The following KATNAL2 variants were observed in gnomAD, a reference collection of about 807,000 sequenced individuals.
KATNAL2 encodes the protein katanin catalytic subunit A1 like 2.
A neutral mutation model predicts 76.3 loss-of-function variants in KATNAL2; 52 were observed. The observed-to-expected ratio is 0.68, with a 90% confidence interval of 0.55 to 0.86. KATNAL2 has a LOEUF of 0.86. Ranked by LOEUF, KATNAL2 falls within the 40% of genes least tolerant of loss-of-function variation. The pLI is 0.00. For missense variants in KATNAL2, 660 were observed against 668.9 expected, an observed-to-expected ratio of 0.99 and a Z score of 0.15; for synonymous variants, 243 against 244.2, an observed-to-expected ratio of 1.00 and a Z score of 0.05.
chr18:47,043,236 A>AC, intron 3 of KATNAL2, among the ~76,000 whole-genome samples: 2 of 147,890 alleles, frequency 1.4e-5, no homozygotes, highest in African/African-American at 2.5e-5. Flanking sequence ...CAAAAAAAAA[A>AC]AAAAAAAAAG....
intron 3 of KATNAL2, among the ~76,000 whole-genome samples, chr18:46,947,731 A>G (rs2059423642): frequency 2.6e-5 from 4 of 152,218 alleles, no homozygotes; most frequent in Admixed American, 2.0e-4. Context: ...AGCCAAGGTT[A>G]TGAACCACAG....
At chr18:47,033,886 G>T (rs536619955) in intron 3 of KATNAL2, 4 of 1,613,668 alleles carry the variant, frequency 2.5e-6, no homozygotes, top group Non-Finnish European at 3.4e-6. Context: ...CCAGAGCTCT[G>T]AGAAGACATG....
At chr18:47,036,608 G>T (rs1336057842) in intron 3 of KATNAL2, among the ~76,000 whole-genome samples, 2 of 152,202 alleles carry the variant, frequency 1.3e-5, no homozygotes, top group Admixed American at 1.3e-4. Flanking sequence ...AAACTTTAAA[G>T]AAATTTTTAC....
intron 8 of KATNAL2, among the ~76,000 whole-genome samples, chr18:47,060,240 T>C (rs1229458855): frequency 6.6e-6 from 1 of 152,154 alleles, no homozygotes; most frequent in African/African-American, 2.4e-5. Context: ...CAAGCAATCC[T>C]CCTGTCTGGG....
At chr18:47,041,185 C>T (rs968914791) in intron 3 of KATNAL2, among the ~76,000 whole-genome samples, 1 of 152,168 alleles carries the variant, frequency 6.6e-6, no homozygotes, top group African/African-American at 2.4e-5. Context: ...GTTGTTAAAT[C>T]GATGAACCTA....
At chr18:47,049,037 G>A (rs1370998687) in intron 4 of KATNAL2, among the ~76,000 whole-genome samples, 1 of 151,814 alleles carries the variant, frequency 6.6e-6, no homozygotes, top group Non-Finnish European at 1.5e-5. Flanking sequence ...GGGTTTCACC[G>A]TGGTCTCGAT....
At position 47,059,577 on chromosome 18, in the gene KATNAL2, C is replaced by T; in HGVS notation, c.472C>T (p.Leu158=). 1.2e-6 allele frequency: 2 copies of T among 1,612,744 alleles called. No individual in the cohort carries two copies. Among genetic ancestry groups the T allele is most frequent in the Non-Finnish European group, 8.5e-7 (1 of 1,178,778 alleles). Residue 158 remains leucine (L), a synonymous_variant, in exon 8 of 18, where the codon CTG becomes TTG. Coordinates refer to ENST00000683218, the MANE Select transcript of KATNAL2 (RefSeq NM_001387690.1). The part of the protein sequence containing the change: ...PNQEVVDNTR[L]ESANFGLHIS... ...TCAGGAGGTAGTTGATAACACTCGC[C>T]TGGAAAGTGCCAACTTCGGCCTACA...
chr18:47,096,735 T>C (rs971879264), intron 15 of KATNAL2, among the ~76,000 whole-genome samples: 2 of 152,164 alleles, frequency 1.3e-5, no homozygotes, highest in African/African-American at 2.4e-5. Context: ...CTATTGATAA[T>C]AGGAATGGTA....
chr18:47,086,410 G>A (rs1290567514), intron 15 of KATNAL2, among the ~76,000 whole-genome samples: 4 of 152,014 alleles, frequency 2.6e-5, no homozygotes, highest in Admixed American at 6.6e-5. Context: ...TCTGCCTCCC[G>A]GGTTCAAGCA....
At chr18:46,923,694 T>G (rs186702271) in intron 1 of KATNAL2, among the ~76,000 whole-genome samples, 7 of 152,286 alleles carry the variant, frequency 4.6e-5, no homozygotes, top group East Asian at 3.9e-4. Context: ...CCCACCAACA[T>G]TGTCAAAGTG....
chr18:46,934,859 C>T (rs1248341063), intron 1 of KATNAL2, among the ~76,000 whole-genome samples: 2 of 152,158 alleles, frequency 1.3e-5, no homozygotes, highest in Admixed American at 1.3e-4. Flanking sequence ...TTTCAGCTTT[C>T]TACATATGTC....
chr18:46,917,618 G>GCGCC lies in KATNAL2; in HGVS notation c.-810_-807dup, dbSNP rs926247713. ...CGCGCCTTCAGTCCGCGCGGCGACA[G>GCGCC]CGCCCGCCCGCGCCTGCCCCGGCGT... On this transcript the variant is annotated 5_prime_UTR_variant, in exon 1 of 18. Coordinates refer to ENST00000683218, the MANE Select transcript of KATNAL2 (RefSeq NM_001387690.1). 2 of 920,984 alleles carry GCGCC rather than the reference G, an allele frequency of 2.2e-6. No individual in the cohort carries two copies. The highest frequency in any genetic ancestry group is 3.6e-5 in the African/African-American group (2 of 55,774). 57.1% of individuals were successfully genotyped at this position (920,984 alleles called of 1,614,324 possible). A position where few individuals can be genotyped will look rare whatever the true frequency, so the allele number is the denominator to read the frequency against.
In KATNAL2 at chr18:47,077,429, C is replaced by T. The variant is rs776069645; in HGVS notation, c.1179C>T (p.Leu393=). The T allele has an allele frequency of 4.3e-6, 7 of 1,613,882 alleles. No homozygotes were observed. The highest frequency in any genetic ancestry group is 2.2e-5 in the East Asian group (1 of 44,882). Residue 393 remains leucine, a synonymous_variant, in exon 15 of 18, where the codon CTC becomes CTT. Coordinates refer to ENST00000683218, the MANE Select transcript of KATNAL2 (RefSeq NM_001387690.1). ...ATGGGCTGGCACGCTCAGAAGATCT[C>T]GTATTTGTCTTAGCAGCTTCTAACC... The part of the protein sequence containing the change: ...QMDGLARSED[L]VFVLAASNLP...
intron 13 of KATNAL2, among the ~76,000 whole-genome samples, chr18:47,073,150 A>G (rs2147221890): frequency 6.6e-6 from 1 of 152,280 alleles, no homozygotes; most frequent in South Asian, 2.1e-4. Context: ...TTGCTTCTCC[A>G]CACCCTGGCC....
intron 1 of KATNAL2, among the ~76,000 whole-genome samples, chr18:46,938,893 C>T (rs1231432780): frequency 2.6e-5 from 4 of 152,096 alleles, no homozygotes; most frequent in Admixed American, 2.6e-4. Context: ...ATCACTACCT[C>T]AAATTATATT....
chr18:46,933,531 T>C (rs943982326), intron 1 of KATNAL2, among the ~76,000 whole-genome samples: 4 of 152,142 alleles, frequency 2.6e-5, no homozygotes, highest in African/African-American at 9.7e-5. Context: ...CCCAGAATGT[T>C]GAATAAACTG....
intron 15 of KATNAL2, among the ~76,000 whole-genome samples, chr18:47,082,706 C>T (rs1017112364): frequency 1.3e-5 from 2 of 152,042 alleles, no homozygotes; most frequent in African/African-American, 2.4e-5. Context: ...TGGGTTAATC[C>T]TATTAACCCA....
chr18:47,025,414 T>G, intron 3 of KATNAL2, among the ~76,000 whole-genome samples: 1 of 151,492 alleles, frequency 6.6e-6, no homozygotes, highest in Non-Finnish European at 1.5e-5. Flanking sequence ...CCATTTGAAG[T>G]GTCTATGGTG....
chr18:47,035,100 G>C (rs180862379), intron 3 of KATNAL2: 1 of 1,610,962 alleles, frequency 6.2e-7, no homozygotes, highest in Non-Finnish European at 8.5e-7. Context: ...GCTTCCGCAG[G>C]CGCTTCACCG....
Sources: gnomAD v4.1 joint callset for allele counts (sites outside exome capture counted in the v4.1 genomes callset) on GRCh38, gnomAD v4.1.1 for gene constraint, MANE v1.5 for transcripts, NCBI Gene and HGNC (gene_info 2026-07-23, HGNC 2026-07-21) for gene names.